Variants in TRIM13 observed in about 807,000 individuals in gnomAD.
TRIM13 encodes E3 ubiquitin-protein ligase TRIM13.
In TRIM13, 15 loss-of-function variants were observed where a neutral mutation model predicts 27.1. The observed-to-expected ratio is 0.55, with a 90% CI of 0.37 to 0.85. TRIM13 has a LOEUF of 0.85. Ranked by LOEUF, TRIM13 falls within the 40% of genes least tolerant of loss-of-function variation. The pLI is 0.00. For missense variants in TRIM13, 402 were observed against 472.2 expected, an observed-to-expected ratio of 0.85 and a Z score of 1.38; for synonymous variants, 193 against 171.5, an observed-to-expected ratio of 1.13 and a Z score of -0.98.
rs1443406581 is a variant in TRIM13 at position 50,010,502 on chromosome 13, G to A, written c.-6-1433G>A. Among the ~76,000 whole-genome samples the A allele has an allele frequency of 2.0e-5, 3 of 152,136 alleles. No homozygotes were observed. In the South Asian group the frequency reaches 6.2e-4, roughly 31 times the overall value. ...TGCCTGATTTGTAACATGCATTAGT[G>A]ACTTGAAATAGTATTCACTGTGTTT... On this transcript the variant is annotated intron_variant, in intron 1 of 1. Coordinates refer to ENST00000378182, the MANE Select transcript of TRIM13 (RefSeq NM_213590.3).
Position 50,015,097 on chromosome 13 carries a change from ATATATATATATATAT to A in TRIM13, c.*1934_*1948del, listed in dbSNP as rs1876324643. The A allele has an allele frequency of 1.2e-3, 4 of 3,418 alleles. 1 individual carries two copies. Among genetic ancestry groups the A allele is most frequent in the African/African-American group, 2.5e-3 (4 of 1,580 alleles). 0.2% of individuals were successfully genotyped at this position (3,418 alleles called of 1,614,324 possible). A position where few individuals can be genotyped will look rare whatever the true frequency, so the allele number is the denominator to read the frequency against. ...TAATAAAAAAAAAAAAAAAAAAAAT[ATATATATATATATAT>A]ATATATATATATATATATATATATA... On this transcript the variant is annotated 3_prime_UTR_variant, in exon 2 of 2. Transcript: ENST00000378182.
At chr13:49,998,083 A>G (rs925379118) in intron 1 of TRIM13, among the ~76,000 whole-genome samples, 1 of 152,124 alleles carries the variant, frequency 6.6e-6, no homozygotes, top group African/African-American at 2.4e-5. Context: ...GGCTTGTAGA[A>G]CAGGGCTTGA....
chr13:49,999,840 A>G (rs774601269), intron 1 of TRIM13, among the ~76,000 whole-genome samples: 3 of 152,318 alleles, frequency 2.0e-5, no homozygotes, highest in Middle Eastern at 3.4e-3. Context: ...AAACCCCTTC[A>G]TTTTATGAAT....
At chr13:50,011,907 G>C (rs1875698952) in intron 1 of TRIM13, 28 bp from the exon 2 acceptor site, 2 of 1,561,268 alleles carry the variant, frequency 1.3e-6, no homozygotes, top group South Asian at 1.2e-5. Flanking sequence ...GGTTATTGGA[G>C]TAAAATAATT....
chr13:50,012,575 T>G lies in TRIM13; in HGVS notation c.635T>G (p.Met212Arg). 1 of 1,614,148 alleles carries G rather than the reference T, an allele frequency of 6.2e-7. No individual in the cohort carries two copies. The highest frequency in any genetic ancestry group is 1.1e-5 in the South Asian group (1 of 91,084). ...SDFETMKLAV[M>R]QAYDPEINKL... ...TTTGAGACCATGAAACTTGCTGTTA[T>G]GCAAGCATATGACCCAGAGATCAAC... is the stretch of plus-strand genomic sequence containing the variant. The change falls in exon 2 of 2, where the codon ATG becomes AGG. Residue 212 changes from methionine (M) to arginine (R), a missense_variant. Met to Arg is a moderately conservative substitution (Grantham distance 91). Coordinates refer to ENST00000378182, the MANE Select transcript of TRIM13 (RefSeq NM_213590.3).
At chr13:50,003,922 T>C (rs1247122663) in intron 1 of TRIM13, among the ~76,000 whole-genome samples, 1 of 152,226 alleles carries the variant, frequency 6.6e-6, no homozygotes, top group Non-Finnish European at 1.5e-5. Context: ...ACTACCACCT[T>C]TCTGGATACT....
At chr13:50,008,748 A>G (rs2138393897) in intron 1 of TRIM13, among the ~76,000 whole-genome samples, 1 of 152,154 alleles carries the variant, frequency 6.6e-6, no homozygotes, top group East Asian at 1.9e-4. Flanking sequence ...AAAATTGAGA[A>G]TCCTGGCCTG....
chr13:50,002,969 C>T (rs1005914809), intron 1 of TRIM13, among the ~76,000 whole-genome samples: 1 of 152,146 alleles, frequency 6.6e-6, no homozygotes. Flanking sequence ...CCTAATGGAT[C>T]TCATACTACA....
At chr13:50,007,305 A>G (rs573390353) in intron 1 of TRIM13, among the ~76,000 whole-genome samples, 94 of 151,538 alleles carry the variant, frequency 6.2e-4, no homozygotes, top group Non-Finnish European at 9.9e-4. Flanking sequence ...CCTGTCCAAG[A>G]TGGTGAAACC....
chr13:50,008,107 G>A (rs543048684), intron 1 of TRIM13, among the ~76,000 whole-genome samples: 135 of 151,984 alleles, frequency 8.9e-4, no homozygotes, highest in African/African-American at 3.2e-3. Context: ...GGGTTTTACT[G>A]TGTTAGCCAG....
chr13:49,998,290 C>A (rs185250667), intron 1 of TRIM13, among the ~76,000 whole-genome samples: 59 of 152,276 alleles, frequency 3.9e-4, no homozygotes, highest in African/African-American at 1.3e-3. Flanking sequence ...CCTGGGAAGT[C>A]CTTTCCTAAA....
rs1180011000 is a variant in TRIM13, at chr13:50,012,147, G to A, written c.207G>A (p.Leu69=). Residue 69 remains leucine, a synonymous_variant, in exon 2 of 2, where the codon CTG becomes CTA. Coordinates refer to ENST00000378182, the MANE Select transcript of TRIM13 (RefSeq NM_213590.3). The stretch of plus-strand genomic sequence containing the variant: ...CTTCAGCTACTGGAATTAATAGCCT[G>A]CAGGTTAATTACTCCCTGAAGGGTA... ...KETSATGINS[L]QVNYSLKGIV... 2 of 1,614,130 alleles carry A rather than the reference G, an allele frequency of 1.2e-6. No individual in the cohort carries two copies. The highest frequency in any genetic ancestry group is 3.3e-5 in the Admixed American group (2 of 60,020).
intron 1 of TRIM13, among the ~76,000 whole-genome samples, chr13:49,999,610 T>C (rs541675419): frequency 6.6e-6 from 1 of 152,172 alleles, no homozygotes; most frequent in Non-Finnish European, 1.5e-5. Flanking sequence ...TGAACTGGGC[T>C]CAAGTGATCC....
chr13:50,008,285 G>T (rs1165438024), intron 1 of TRIM13, among the ~76,000 whole-genome samples: 1 of 152,142 alleles, frequency 6.6e-6, no homozygotes, highest in Non-Finnish European at 1.5e-5. Context: ...TTGATAATGT[G>T]ATATGTGCAT....
chr13:50,010,170 T>A (rs1001273080), intron 1 of TRIM13, among the ~76,000 whole-genome samples: 1 of 149,124 alleles, frequency 6.7e-6, no homozygotes, highest in Non-Finnish European at 1.5e-5. Flanking sequence ...TACCTCAGCC[T>A]CCCGAGTAGT....
At chr13:50,011,650 T>TG (rs1163775381) in intron 1 of TRIM13, among the ~76,000 whole-genome samples, 1 of 152,206 alleles carries the variant, frequency 6.6e-6, no homozygotes, top group Non-Finnish European at 1.5e-5. Flanking sequence ...TGGCTCAACT[T>TG]GCAGTTGTCC....
intron 1 of TRIM13, among the ~76,000 whole-genome samples, chr13:50,004,843 A>G (rs1874477651): frequency 6.6e-6 from 1 of 151,904 alleles, no homozygotes; most frequent in Admixed American, 6.6e-5. Flanking sequence ...AGGGAGGCCA[A>G]GGAGGGCGGA....
chr13:50,012,481 A>G lies in TRIM13; in HGVS notation c.541A>G (p.Lys181Glu). 3 of 1,614,032 alleles carry G rather than the reference A, an allele frequency of 1.9e-6. No individual in the cohort carries two copies. Among genetic ancestry groups the G allele is most frequent in the Non-Finnish European group, 2.5e-6 (3 of 1,179,976 alleles). The change falls in exon 2 of 2, where the codon AAA becomes GAA. Residue 181 changes from lysine to glutamate, a missense_variant. Physicochemically the swap from Lys to Glu is moderately conservative, Grantham distance 56. Around this residue, in one of 2 missense-constraint regions of TRIM13, gnomAD observed 202 missense variants for 277.5 expected, o/e 0.73. Transcript: ENST00000378182. ...ACAGTTACTGACTAAAGATTCAGAT[A>G]AAGTGAAGGAATTTTTTGAGAAGTT... ...SLQLLTKDSD[K>E]VKEFFEKLQH...
Position 50,012,891 on chromosome 13 carries a change from A to AT in TRIM13, c.956dup (p.Leu319PhefsTer24), listed in dbSNP as rs1376063965. The AT allele has an allele frequency of 3.7e-6, 6 of 1,613,746 alleles. No homozygotes were observed. In the African/African-American group the frequency reaches 8.0e-5, roughly 22 times the overall value. The stretch of plus-strand genomic sequence containing the variant: ...AGATTCCCTGGAGCTTTTATAAGTT[A>AT]TTTTTGCTAATCCTTCTGCTTGGCC... On this transcript the variant is annotated frameshift_variant, in exon 2 of 2. Coordinates refer to ENST00000378182, the MANE Select transcript of TRIM13 (RefSeq NM_213590.3). LOFTEE classifies it high-confidence loss of function.
Sources: allele counts gnomAD v4.1 joint callset (sites outside exome capture counted in the v4.1 genomes callset), GRCh38; gene constraint gnomAD v4.1.1; regional missense constraint gnomAD v4.1.1; transcripts MANE v1.5; gene names NCBI Gene and HGNC (gene_info 2026-07-23, HGNC 2026-07-21).